The following COL9A2 variants were observed in gnomAD, a reference collection of about 807,000 sequenced individuals.
COL9A2 encodes collagen type IX alpha 2 chain.
In COL9A2, 66 loss-of-function variants were observed where a neutral mutation model predicts 111.6. The observed-to-expected ratio is 0.59, with a 90% CI of 0.48 to 0.73. The LOEUF is 0.73. Among genes scored for constraint, COL9A2 ranks in the 30% least tolerant of loss-of-function variants. The pLI is 0.00. For synonymous variants in COL9A2, 353 were observed against 364.1 expected, an observed-to-expected ratio of 0.97 and a Z score of 0.35; for missense variants, 881 against 954.1, an observed-to-expected ratio of 0.92 and a Z score of 1.01.
rs1643914624 is a variant in COL9A2 at position 40,301,504 on chromosome 1, G to T, written c.1871-123C>A. The T allele has an allele frequency of 7.4e-6, 6 of 810,800 alleles. No homozygotes were observed. The Admixed American group carries it at 1.2e-4, about 16-fold the overall frequency. 50.2% of individuals were successfully genotyped at this position (810,800 alleles called of 1,614,324 possible). The stretch of plus-strand genomic sequence containing the variant: ...AAAACACCATAGGAGAAAGGACTCT[G>T]CCCCAGAGGCAGAGATTCTGTGATT... On this transcript the variant is annotated intron_variant, in intron 31 of 31. Coordinates refer to ENST00000372748, the MANE Select transcript of COL9A2 (RefSeq NM_001852.4).
Position 40,305,773 on chromosome 1 carries a change from A to G in COL9A2, c.1054-5T>C. 8 of 1,614,080 alleles carry G rather than the reference A, an allele frequency of 5.0e-6. No individual in the cohort carries two copies. The highest frequency in any genetic ancestry group is 6.8e-6 in the Non-Finnish European group (8 of 1,179,984). The stretch of plus-strand genomic sequence containing the variant: ...GCCCTGCGGGCCCGGCTCACCCTGC[A>G]GGAAAACAGTTCTCAGGTCAGTCTG... On this transcript the variant is annotated splice_polypyrimidine_tract_variant and splice_region_variant and intron_variant, in intron 20 of 31. Coordinates refer to ENST00000372748, the MANE Select transcript of COL9A2 (RefSeq NM_001852.4).
In COL9A2 at chr1:40,314,413, GCACACTACGGCT is replaced by G; in HGVS notation, c.151-38_151-27del. On this transcript the variant is annotated intron_variant, in intron 2 of 31. Coordinates refer to ENST00000372748, the MANE Select transcript of COL9A2 (RefSeq NM_001852.4). The surrounding 1 kb of genome is among the most constrained non-coding windows in gnomAD (Gnocchi z 4.1). ...CTGCAAGATACAAGTTGGTGAGACA[GCACACTACGGCT>G]CACACTACCCCAAGTGGGCACACAC... is the stretch of plus-strand genomic sequence containing the variant. The G allele has an allele frequency of 1.2e-6, 2 of 1,614,124 alleles. No individual in the cohort carries two copies. The highest frequency in any genetic ancestry group is 1.7e-6 in the Non-Finnish European group (2 of 1,179,994).
Position 40,311,934 on chromosome 1 carries a change from C to T in COL9A2, c.417+125G>A. The T allele has an allele frequency of 8.6e-7, 1 of 1,162,618 alleles. No homozygotes were observed. The highest frequency in any genetic ancestry group is 1.3e-6 in the Non-Finnish European group (1 of 793,640). 72.0% of individuals were successfully genotyped at this position (1,162,618 alleles called of 1,614,324 possible). A position where few individuals can be genotyped will look rare whatever the true frequency, so the allele number is the denominator to read the frequency against. On this transcript the variant is annotated intron_variant, in intron 8 of 31. Transcript: ENST00000372748. The surrounding 1 kb of genome is among the most constrained non-coding windows in gnomAD (Gnocchi z 5.1). ...GGTGGGCTCATAGGAGGGGTTTCTG[C>T]CCCAGACCTGGAGGAGTTTCCCAGT...
rs769847698 is a variant in COL9A2 at position 40,305,775 on chromosome 1, G to A, written c.1054-7C>T. ...CCTGCGGGCCCGGCTCACCCTGCAG[G>A]AAAACAGTTCTCAGGTCAGTCTGGG... On this transcript the variant is annotated splice_polypyrimidine_tract_variant and splice_region_variant and intron_variant, in intron 20 of 31. Coordinates refer to ENST00000372748, the MANE Select transcript of COL9A2 (RefSeq NM_001852.4). 6.8e-6 allele frequency: 11 copies of A among 1,613,816 alleles called. No individual in the cohort carries two copies. The highest frequency in any genetic ancestry group is 3.3e-5 in the South Asian group (3 of 91,074).
At chr1:40,305,383 C>T (rs1644011007) in intron 21 of COL9A2, among the ~76,000 whole-genome samples, 1 of 152,188 alleles carries the variant, frequency 6.6e-6, no homozygotes, top group Non-Finnish European at 1.5e-5. Flanking sequence ...CTATTTCTTC[C>T]ATTAAACTAT....
At position 40,312,278 on chromosome 1, in the gene COL9A2, C is replaced by T; in HGVS notation, c.364-166G>A. 5.8e-6 allele frequency: 6 copies of T among 1,028,274 alleles called. No individual in the cohort carries two copies. The highest frequency in any genetic ancestry group is 5.6e-5 in the South Asian group (4 of 71,252). 63.7% of individuals were successfully genotyped at this position (1,028,274 alleles called of 1,614,324 possible). A position where few individuals can be genotyped will look rare whatever the true frequency, so the allele number is the denominator to read the frequency against. ...TGAGGCTTTAAGGACCAGAGAATTG[C>T]AGAGCCAGTGGACAGGCCCAGAGTG... On this transcript the variant is annotated intron_variant, in intron 7 of 31. Coordinates refer to ENST00000372748, the MANE Select transcript of COL9A2 (RefSeq NM_001852.4). This position sits in a 1 kb window ranked among gnomAD's most constrained non-coding sequence, Gnocchi z 6.0.
At position 40,311,469 on chromosome 1, in the gene COL9A2, T is replaced by A; in HGVS notation, c.519+31A>T. The A allele has an allele frequency of 8.1e-5, 82 of 1,011,728 alleles. No homozygotes were observed. The highest frequency in any genetic ancestry group is 1.2e-4 in the Non-Finnish European group (80 of 679,688). The allele number at this position is 1,011,728 out of a possible 1,614,324, so 62.7% of individuals were successfully genotyped here. On this transcript the variant is annotated intron_variant, in intron 10 of 31. Coordinates refer to ENST00000372748, the MANE Select transcript of COL9A2 (RefSeq NM_001852.4). This position sits in a 1 kb window ranked among gnomAD's most constrained non-coding sequence, Gnocchi z 5.1. Reference sequence around the variant, plus strand: ...CCATCTCTGTGGCCCCGCCCCCCTGTGTTAGCCCCGCCCCAGACCTCGTCT... The same window carrying A: ...CCATCTCTGTGGCCCCGCCCCCCTGAGTTAGCCCCGCCCCAGACCTCGTCT...
chr1:40,304,405 A>G lies in COL9A2; in HGVS notation c.1216-14T>C. The stretch of plus-strand genomic sequence containing the variant: ...CCCCTTAGGGCCCTGAGGAGAAAAG[A>G]AACCAAAGGAATAAATGGAATGAGG... On this transcript the variant is annotated splice_polypyrimidine_tract_variant and intron_variant, in intron 23 of 31. Coordinates refer to ENST00000372748, the MANE Select transcript of COL9A2 (RefSeq NM_001852.4). The G allele has an allele frequency of 6.2e-7, 1 of 1,609,156 alleles. No individual in the cohort carries two copies. Among genetic ancestry groups the G allele is most frequent in the Non-Finnish European group, 8.5e-7 (1 of 1,177,790 alleles).
intron 17 of COL9A2, 76 bp downstream of exon 17, chr1:40,308,116 C>T: frequency 7.0e-7 from 1 of 1,435,550 alleles, no homozygotes; most frequent in East Asian, 2.3e-5. Flanking sequence ...GCATCCCAGG[C>T]TTCTCTTCTG....
chr1:40,302,713 G>T lies in COL9A2; in HGVS notation c.1700C>A (p.Pro567Gln), dbSNP rs765616855. 3 of 1,578,008 alleles carry T rather than the reference G, an allele frequency of 1.9e-6. No homozygotes were observed. The East Asian group carries it at 7.1e-5, about 37-fold the overall frequency. The change falls in exon 30 of 32, where the codon CCA (proline) becomes CAA (glutamine). Residue 567 changes from proline (P) to glutamine (Q), a missense_variant. Coordinates refer to ENST00000372748, the MANE Select transcript of COL9A2 (RefSeq NM_001852.4). The surrounding 1 kb of genome is among the most constrained non-coding windows in gnomAD (Gnocchi z 4.5). ...PPGPPGPPGY[P>Q]GKQGPHGHPG... ...GTGCCCATGGGGGCCCTGCTTGCCT[G>T]GGTACCCAGGGGGCCCAGGAGGTCC... is the stretch of plus-strand genomic sequence containing the variant.
chr1:40,304,535 A>G lies in COL9A2; in HGVS notation c.1162-6T>C. 1 of 1,614,104 alleles carries G rather than the reference A, an allele frequency of 6.2e-7. No homozygotes were observed. Among genetic ancestry groups the G allele is most frequent in the South Asian group, 1.1e-5 (1 of 91,072 alleles). On this transcript the variant is annotated splice_region_variant and splice_polypyrimidine_tract_variant and intron_variant, in intron 22 of 31. Transcript: ENST00000372748. ...CCCCTCTCGCCTTGGTCACCCTGAA[A>G]TGGAAAGAGAAGGTCACAACCTCAG...
chr1:40,309,791 ACACACACACTACACACT>A (rs1644089678), intron 16 of COL9A2, 130 bp downstream of exon 16: 11 of 817,998 alleles, frequency 1.3e-5, no homozygotes, highest in Admixed American at 8.6e-5. Context: ...CAGTCTACAC[ACACACACACTACACACT>A]CACACACACT....
Position 40,312,763 on chromosome 1 carries a change from C to T in COL9A2, c.271G>A (p.Glu91Lys). 1 of 1,552,094 alleles carries T rather than the reference C, an allele frequency of 6.4e-7. No homozygotes were observed. The highest frequency in any genetic ancestry group is 1.2e-5 in the South Asian group (1 of 84,194). ...GIDGLTGAKG[E>K]PGPMGIPGVK... Reference sequence around the variant, plus strand: ...CCAGGGATCCCCATGGGGCCAGGCTCCCCCTTGGCTCCAGTTAAACCCTGG... The same window carrying T: ...CCAGGGATCCCCATGGGGCCAGGCTTCCCCTTGGCTCCAGTTAAACCCTGG... The change falls in exon 5 of 32, where the codon GAG becomes AAG. Residue 91 changes from glutamate to lysine, a missense_variant. Physicochemically the swap from Glu to Lys is moderately conservative, Grantham distance 56. Coordinates refer to ENST00000372748, the MANE Select transcript of COL9A2 (RefSeq NM_001852.4). This position sits in a 1 kb window ranked among gnomAD's most constrained non-coding sequence, Gnocchi z 6.0.
Position 40,317,047 on chromosome 1 carries a change from A to T in COL9A2, c.75+76T>A. ...CTAGGGGTGTCAGTAGGCGCGGGACACAGGCAGAGCTCCTCCATCCCGGAC... is the reference window on the plus strand; with the variant it reads ...CTAGGGGTGTCAGTAGGCGCGGGACTCAGGCAGAGCTCCTCCATCCCGGAC... On this transcript the variant is annotated intron_variant, in intron 1 of 31. Transcript: ENST00000372748. The surrounding 1 kb of genome is among the most constrained non-coding windows in gnomAD (Gnocchi z 4.3). The T allele has an allele frequency of 7.0e-7, 1 of 1,423,634 alleles. No individual in the cohort carries two copies. The highest frequency in any genetic ancestry group is 1.4e-5 in the African/African-American group (1 of 70,576). 88.2% of individuals were successfully genotyped at this position (1,423,634 alleles called of 1,614,324 possible). A position where few individuals can be genotyped will look rare whatever the true frequency, so the allele number is the denominator to read the frequency against.
intron 24 of COL9A2, 70 bp downstream of exon 24, chr1:40,304,250 G>C: frequency 6.5e-7 from 1 of 1,534,222 alleles, no homozygotes; most frequent in South Asian, 1.2e-5. Flanking sequence ...GGAAGGATCT[G>C]AGTCCTGCCG....
chr1:40,317,273 A>G lies in COL9A2; in HGVS notation c.-76T>C. On this transcript the variant is annotated 5_prime_UTR_variant, in exon 1 of 32. Coordinates refer to ENST00000372748, the MANE Select transcript of COL9A2 (RefSeq NM_001852.4). The surrounding 1 kb of genome is among the most constrained non-coding windows in gnomAD (Gnocchi z 4.3). ...CGGCAGAGTCTCCCGGCGCTCCTCC[A>G]GCGCTGGCTGTTCGCGGGCAGGGTG... 2 of 763,762 alleles carry G rather than the reference A, an allele frequency of 2.6e-6. No homozygotes were observed. Among genetic ancestry groups the G allele is most frequent in the Non-Finnish European group, 3.9e-6 (2 of 508,896 alleles). 47.3% of individuals were successfully genotyped at this position (763,762 alleles called of 1,614,324 possible).
Position 40,306,201 on chromosome 1 carries a change from T to G in COL9A2, c.1009-14A>C, listed in dbSNP as rs1436164193. On this transcript the variant is annotated splice_polypyrimidine_tract_variant and intron_variant, in intron 19 of 31. Transcript: ENST00000372748. ...GCCTGGCACACCCTGCAGAAAGAAG[T>G]TGAAGTCAGTTTCTGCCCTGGCATG... 2 of 1,614,174 alleles carry G rather than the reference T, an allele frequency of 1.2e-6. No individual in the cohort carries two copies. The highest frequency in any genetic ancestry group is 4.5e-5 in the East Asian group (2 of 44,882).
Position 40,306,207 on chromosome 1 carries a change from T to C in COL9A2, c.1009-20A>G, listed in dbSNP as rs1231676868. ...CACACCCTGCAGAAAGAAGTTGAAGTCAGTTTCTGCCCTGGCATGAGGGAG... is the reference window on the plus strand; with the variant it reads ...CACACCCTGCAGAAAGAAGTTGAAGCCAGTTTCTGCCCTGGCATGAGGGAG... On this transcript the variant is annotated intron_variant, in intron 19 of 31. Coordinates refer to ENST00000372748, the MANE Select transcript of COL9A2 (RefSeq NM_001852.4). 6.2e-7 allele frequency: 1 copy of C among 1,614,034 alleles called. No homozygotes were observed.
In COL9A2 at chr1:40,303,148, G is replaced by A. The variant is rs1569702853; in HGVS notation, c.1586C>T (p.Ala529Val). The A allele has an allele frequency of 1.2e-6, 2 of 1,612,714 alleles. No individual in the cohort carries two copies. The highest frequency in any genetic ancestry group is 1.7e-6 in the Non-Finnish European group (2 of 1,179,542). Residue 529 changes from alanine (A) to valine (V), a missense_variant, in exon 29 of 32, where the codon GCG (alanine) becomes GTG (valine). Physicochemically the swap from Ala to Val is moderately conservative, Grantham distance 64. Transcript: ENST00000372748. The surrounding 1 kb of genome is among the most constrained non-coding windows in gnomAD (Gnocchi z 4.6). The part of the protein sequence containing the change: ...DATDQHIVDV[A>V]LKMLQEQLAE... ...CCCCTCACCTTGCAGCATCTTCAGC[G>A]CCACATCCACGATGTGCTGGTCAGT...
Sources: allele counts gnomAD v4.1 joint callset (sites outside exome capture counted in the v4.1 genomes callset), GRCh38; gene constraint gnomAD v4.1.1; non-coding constraint Gnocchi (gnomAD v3.1); transcripts MANE v1.5; gene names NCBI Gene and HGNC (gene_info 2026-07-23, HGNC 2026-07-21).